ENDOV: variants seen among roughly 807,000 people sequenced by gnomAD.
ENDOV encodes the protein endonuclease V, also known as hEndoV.
In ENDOV, 37 loss-of-function variants were observed where a neutral mutation model predicts 39.4. The observed-to-expected ratio is 0.94, with a 90% CI of 0.72 to 1.23. ENDOV has a LOEUF of 1.23. Among genes scored for constraint, ENDOV ranks in the 50% most tolerant of loss-of-function variants. The probability of loss-of-function intolerance (pLI) is 0.00; values close to 1 mark genes in which losing one functional copy is unlikely to be tolerated. For missense variants in ENDOV, 441 were observed against 375.7 expected (o/e 1.17, Z -1.44); for synonymous variants, 186 against 163.4 (o/e 1.14, Z -1.05).
At chr17:80,417,403 T>G (rs2081352712) in intron 2 of ENDOV, 1 of 152,260 alleles carries the variant, frequency 6.6e-6, no homozygotes, top group Non-Finnish European at 1.5e-5. Context: ...GACTTGTCCC[T>G]CAGCACCATG....
At chr17:80,422,900 C>T (rs1206476987) in intron 4 of ENDOV, among the ~76,000 whole-genome samples, 2 of 152,324 alleles carry the variant, frequency 1.3e-5, no homozygotes, top group Admixed American at 6.5e-5. Context: ...CGGGGTTTCA[C>T]GTGTTAGCCA....
intron 2 of ENDOV, chr17:80,419,620 CCCTG>C: frequency 1.4e-6 from 1 of 702,944 alleles, no homozygotes; most frequent in Non-Finnish European, 2.6e-6. Context: ...AACGGATCTT[CCCTG>C]CCTTCTGCTT....
rs1162150856 is a variant in ENDOV, at chr17:80,415,442, C to T, written c.56+192C>T. 3.1e-6 allele frequency: 3 copies of T among 981,650 alleles called. No homozygotes were observed. In the South Asian group the frequency reaches 5.1e-5, roughly 17 times the overall value. The allele number at this position is 981,650 out of a possible 1,614,324, so 60.8% of individuals were successfully genotyped here. On this transcript the variant is annotated intron_variant, in intron 1 of 9. Coordinates refer to ENST00000518137, the MANE Select transcript of ENDOV (RefSeq NM_173627.5). ...TAGTCCGCGGGGTGGGCGCGGTTCT[C>T]GCTTCCGGCCAGTTTGTCTGGCCTG...
chr17:80,429,644 T>C, intron 8 of ENDOV, 129 bp from the exon 9 acceptor site: 1 of 865,384 alleles, frequency 1.2e-6, no homozygotes, highest in South Asian at 1.8e-5. Context: ...TGCCCTGCCC[T>C]CTGCCCTGGG....
At chr17:80,424,928 C>G in intron 5 of ENDOV, 104 bp from the exon 6 acceptor site, 1 of 956,812 alleles carries the variant, frequency 1.0e-6, no homozygotes, top group Non-Finnish European at 1.6e-6. Flanking sequence ...GTACTTCAGC[C>G]TGGGCAACAG....
chr17:80,433,852 C>G (rs1220254116), intron 9 of ENDOV, among the ~76,000 whole-genome samples: 1 of 152,184 alleles, frequency 6.6e-6, no homozygotes, highest in Admixed American at 6.5e-5. Flanking sequence ...CCTCCCCTTG[C>G]AAGAAGGAGC....
intron 5 of ENDOV, 32 bp from the exon 6 acceptor site, chr17:80,425,000 T>G (rs758663164): frequency 6.3e-7 from 1 of 1,588,680 alleles, no homozygotes; most frequent in African/African-American, 1.3e-5. Flanking sequence ...AAGAGAGGGG[T>G]TTTTTTCCCC....
intron 9 of ENDOV, chr17:80,430,206 C>A (rs998089642): frequency 4.8e-6 from 7 of 1,471,936 alleles, no homozygotes; most frequent in Admixed American, 2.4e-5. Flanking sequence ...TCTATGGGGG[C>A]AAGTGCCAGA....
rs1302286269 is a variant in ENDOV, at chr17:80,425,498, A to G, written c.592A>G (p.Arg198Gly). Reference sequence around the variant, plus strand: ...CTCGCCTTCCTTGTCACAGGCCCTGAGGAGCCACGACCGCAGCACCAGGCC... The same window carrying G: ...CTCGCCTTCCTTGTCACAGGCCCTGGGGAGCCACGACCGCAGCACCAGGCC... ...DSGTVLGMAL[R>G]SHDRSTRPLY... is the part of the protein sequence containing the mutation. The change falls in exon 7 of 10, where the codon AGG becomes GGG. Residue 198 changes from arginine to glycine, a missense_variant. Arg to Gly is a moderately radical substitution (Grantham distance 125). Transcript: ENST00000518137. 6.3e-7 allele frequency: 1 copy of G among 1,597,006 alleles called. No homozygotes were observed. The highest frequency in any genetic ancestry group is 1.3e-5 in the African/African-American group (1 of 74,838).
At chr17:80,416,071 C>T (rs56744811) in intron 2 of ENDOV, 1 of 384,100 alleles carries the variant, frequency 2.6e-6, no homozygotes, top group Non-Finnish European at 4.7e-6. Context: ...AACCCGGTCT[C>T]TACTAAAAAT....
chr17:80,435,347 T>A (rs1599484243), intron 9 of ENDOV, among the ~76,000 whole-genome samples: 1 of 152,186 alleles, frequency 6.6e-6, no homozygotes, highest in East Asian at 1.9e-4. Flanking sequence ...AAATGTATAG[T>A]TTTAGTGCTT....
At position 80,425,173 on chromosome 17, in the gene ENDOV, T is replaced by G. The variant is rs976646649; in HGVS notation, c.585+73T>G. 1.4e-5 allele frequency: 19 copies of G among 1,332,448 alleles called. No individual in the cohort carries two copies. In the African/African-American group the frequency reaches 2.5e-4, roughly 17 times the overall value. 82.5% of individuals were successfully genotyped at this position (1,332,448 alleles called of 1,614,324 possible). On this transcript the variant is annotated intron_variant, in intron 6 of 9. Coordinates refer to ENST00000518137, the MANE Select transcript of ENDOV (RefSeq NM_173627.5). The stretch of plus-strand genomic sequence containing the variant: ...TCCTTTGCAGGCAGACACAGGTGCA[T>G]GCAGACACGCGTGCACTCACACTTG...
chr17:80,424,250 T>G, intron 5 of ENDOV: 1 of 399,140 alleles, frequency 2.5e-6, no homozygotes, highest in Non-Finnish European at 4.4e-6. Context: ...GGTGCCTGCA[T>G]GGAGAAGTTG....
At chr17:80,426,017 C>T (rs377164634) in intron 7 of ENDOV, among the ~76,000 whole-genome samples, 5 of 152,316 alleles carry the variant, frequency 3.3e-5, no homozygotes, top group African/African-American at 1.2e-4. Flanking sequence ...GAGGCTCCTG[C>T]AGGAAAGCTG....
intron 9 of ENDOV, chr17:80,433,025 C>T (rs1204639122): frequency 1.7e-5 from 8 of 470,966 alleles, no homozygotes; most frequent in Middle Eastern, 4.1e-4. Context: ...CACCCCCTGC[C>T]CCAAACAAAT....
intron 7 of ENDOV, chr17:80,427,662 C>T: frequency 1.6e-6 from 2 of 1,245,502 alleles, no homozygotes; most frequent in Non-Finnish European, 2.1e-6. Context: ...ACTCACCTCT[C>T]AACAGGTTCA....
At chr17:80,417,862 A>G (rs2081412539) in intron 2 of ENDOV, 1 of 152,212 alleles carries the variant, frequency 6.6e-6, no homozygotes, top group Admixed American at 6.5e-5. Context: ...GTGAATGGAC[A>G]GTGGGCTCAT....
intron 5 of ENDOV, among the ~76,000 whole-genome samples, chr17:80,424,514 G>A (rs994390881): frequency 2.6e-5 from 4 of 152,360 alleles, no homozygotes; most frequent in African/African-American, 7.2e-5. Context: ...ACAGGGTCTT[G>A]TGGGCAGCAC....
intron 9 of ENDOV, among the ~76,000 whole-genome samples, chr17:80,430,533 C>T (rs1056921285): frequency 1.3e-5 from 2 of 152,210 alleles, no homozygotes; most frequent in African/African-American, 4.8e-5. Flanking sequence ...TGGGCTTTAG[C>T]ACCTGCTCAC....
Sources: gnomAD v4.1 joint callset for allele counts (sites outside exome capture counted in the v4.1 genomes callset) on GRCh38, gnomAD v4.1.1 for gene constraint, MANE v1.5 for transcripts, NCBI Gene and HGNC (gene_info 2026-07-23, HGNC 2026-07-21) for gene names.